CNTN6: variants seen among roughly 807,000 people sequenced by gnomAD.
CNTN6 encodes contactin-6.
In CNTN6, 137 loss-of-function variants were observed where a neutral mutation model predicts 122.8. The observed-to-expected ratio is 1.12, with a 90% confidence interval of 0.97 to 1.29. The LOEUF is 1.29. Among genes scored for constraint, CNTN6 ranks in the 50% most tolerant of loss-of-function variants. The pLI, the probability that CNTN6 is intolerant of heterozygous loss-of-function variation, is 0.00. For synonymous variants in CNTN6, 570 were observed against 426.0 expected (o/e 1.34, Z -4.16); for missense variants, 1,634 against 1,223.4 (o/e 1.34, Z -5.01).
At chr3:1,355,207 A>G (rs541653954) in intron 12 of CNTN6, among the ~76,000 whole-genome samples, 2 of 151,748 alleles carry the variant, frequency 1.3e-5, no homozygotes, top group African/African-American at 4.8e-5. Context: ...ATCCTATGCA[A>G]TATAAACATG....
At chr3:1,346,716 T>C (rs534202862) in intron 11 of CNTN6, among the ~76,000 whole-genome samples, 75 of 152,196 alleles carry the variant, frequency 4.9e-4, no homozygotes, top group Non-Finnish European at 1.0e-4. Flanking sequence ...AGAGCAACAC[T>C]AAATGGACTA....
In CNTN6 at chr3:1,397,827, G is replaced by C. The variant is rs988948700; in HGVS notation, c.2705-3606G>C. Among the ~76,000 whole-genome samples, 4 of 152,078 alleles carry C rather than the reference G, an allele frequency of 2.6e-5. No homozygotes were observed. In the South Asian group the frequency reaches 8.3e-4, roughly 32 times the overall value. On this transcript the variant is annotated intron_variant, in intron 20 of 22. Transcript: ENST00000446702. The stretch of plus-strand genomic sequence containing the variant: ...AAGCATTAAGCTTTTATTTTATCTT[G>C]CACTTATGTTCTTTCTCTTCTGCCC...
At chr3:1,098,200 C>T (rs2090639710) in intron 1 of CNTN6, among the ~76,000 whole-genome samples, 1 of 151,690 alleles carries the variant, frequency 6.6e-6, no homozygotes, top group Non-Finnish European at 1.5e-5. Context: ...CTAACCTGCA[C>T]ATTGTGCACA....
chr3:1,247,190 A>G (rs537359894), intron 4 of CNTN6, among the ~76,000 whole-genome samples: 5 of 151,886 alleles, frequency 3.3e-5, no homozygotes, highest in African/African-American at 1.2e-4. Context: ...ATTTATTTTC[A>G]TGGTGTAAAA....
chr3:1,348,597 C>T (rs1705130931), intron 11 of CNTN6, among the ~76,000 whole-genome samples: 1 of 152,028 alleles, frequency 6.6e-6, no homozygotes, highest in Admixed American at 6.6e-5. Flanking sequence ...TATATACACA[C>T]ATATGTACAT....
At chr3:1,388,557 G>T (rs1210507996) in intron 20 of CNTN6, among the ~76,000 whole-genome samples, 1 of 151,106 alleles carries the variant, frequency 6.6e-6, no homozygotes, top group African/African-American at 2.4e-5. Context: ...AACAAAGCTG[G>T]ACGGAGAATG....
rs539319399 is a variant in CNTN6 at position 1,191,652 on chromosome 3, T to G, written c.56-29035T>G. Among the ~76,000 whole-genome samples, 6 of 152,282 alleles carry G rather than the reference T, an allele frequency of 3.9e-5. No homozygotes were observed. The South Asian group carries it at 1.2e-3, about 32-fold the overall frequency. ...AGAGGGAACTGTTGAAACTCCTAAT[T>G]TGTAGCCAAGTTGAGCAGAAGTGTG... is the stretch of plus-strand genomic sequence containing the variant. On this transcript the variant is annotated intron_variant, in intron 2 of 22. Coordinates refer to ENST00000446702, the MANE Select transcript of CNTN6 (RefSeq NM_001289080.2).
chr3:1,180,371 A>C (rs1325205550), intron 2 of CNTN6, among the ~76,000 whole-genome samples: 1 of 152,208 alleles, frequency 6.6e-6, no homozygotes, highest in Non-Finnish European at 1.5e-5. Flanking sequence ...ATTACCTTGA[A>C]TGTAATTAAG....
chr3:1,303,063 T>C (rs1312373991), intron 7 of CNTN6, among the ~76,000 whole-genome samples: 1 of 152,136 alleles, frequency 6.6e-6, no homozygotes, highest in Non-Finnish European at 1.5e-5. Context: ...CATCCCTCAT[T>C]TGTGTTATAA....
intron 1 of CNTN6, among the ~76,000 whole-genome samples, chr3:1,111,205 G>T (rs1481144922): frequency 6.6e-6 from 1 of 152,134 alleles, no homozygotes; most frequent in African/African-American, 2.4e-5. Context: ...TATGCGGAAA[G>T]CAGTAGTCCC....
At chr3:1,302,606 A>T (rs1031640216) in intron 7 of CNTN6, among the ~76,000 whole-genome samples, 1 of 152,146 alleles carries the variant, frequency 6.6e-6, no homozygotes, top group Non-Finnish European at 1.5e-5. Flanking sequence ...TTTAGGTCAT[A>T]AGAGAGCTTC....
At chr3:1,110,219 T>G (rs1289783068) in intron 1 of CNTN6, among the ~76,000 whole-genome samples, 1 of 152,174 alleles carries the variant, frequency 6.6e-6, no homozygotes, top group Non-Finnish European at 1.5e-5. Flanking sequence ...AGAAGAGAAT[T>G]GCTTTTTGAT....
chr3:1,186,003 C>A (rs1398581256), intron 2 of CNTN6, among the ~76,000 whole-genome samples: 1 of 151,966 alleles, frequency 6.6e-6, no homozygotes, highest in Non-Finnish European at 1.5e-5. Flanking sequence ...AAACAATTCA[C>A]CAAACAGTAT....
At chr3:1,295,562 A>ATGGTT (rs1559738407) in intron 5 of CNTN6, 39 bp from the exon 6 acceptor site, 5 of 1,515,784 alleles carry the variant, frequency 3.3e-6, no homozygotes, top group Admixed American at 3.4e-5. Context: ...TAAGGACAGT[A>ATGGTT]TGGTTTTGTT....
At chr3:1,237,120 C>T (rs1460373844) in intron 4 of CNTN6, among the ~76,000 whole-genome samples, 3 of 151,568 alleles carry the variant, frequency 2.0e-5, no homozygotes, top group Non-Finnish European at 4.4e-5. Context: ...AAGGTGAAGT[C>T]CAGCTTAAAG....
rs183915445 is a variant in CNTN6, at chr3:1,094,640, A to G, written c.-83+1520A>G. ...TTATGTAGCTTTCCTTAATGAAAAC[A>G]AATTCACTTGTTTACTTAGAAAAGG... On this transcript the variant is annotated intron_variant, in intron 1 of 22. Transcript: ENST00000446702. Among the ~76,000 whole-genome samples, 361 of 152,276 alleles carry G rather than the reference A, an allele frequency of 2.4e-3. 1 individual carries two copies. The highest frequency in any genetic ancestry group is 8.1e-3 in the African/African-American group (337 of 41,586).
intron 2 of CNTN6, among the ~76,000 whole-genome samples, chr3:1,186,874 T>G (rs535847177): frequency 6.6e-6 from 1 of 151,864 alleles, no homozygotes; most frequent in East Asian, 1.9e-4. Context: ...TAAACTGCCC[T>G]TGACAGTATG....
chr3:1,273,501 C>G (rs1342407667), intron 4 of CNTN6, among the ~76,000 whole-genome samples: 4 of 152,120 alleles, frequency 2.6e-5, no homozygotes, highest in African/African-American at 7.2e-5. Context: ...TGAATTAAAT[C>G]TTGTTTCCAG....
intron 22 of CNTN6, 199 bp downstream of exon 22, chr3:1,402,685 C>T (rs1360111025): frequency 2.4e-6 from 1 of 417,866 alleles, no homozygotes; most frequent in Admixed American, 4.0e-5. Flanking sequence ...TTTTATGCTT[C>T]CTCATTTGAA....
Sources: allele counts gnomAD v4.1 joint callset (sites outside exome capture counted in the v4.1 genomes callset), GRCh38; gene constraint gnomAD v4.1.1; transcripts MANE v1.5; gene names NCBI Gene and HGNC (gene_info 2026-07-23, HGNC 2026-07-21).